The following RSPH6A variants were observed in gnomAD, a reference collection of about 807,000 sequenced individuals.
The protein encoded by RSPH6A is radial spoke head protein 6 homolog A.
Under a neutral mutation model 66.1 loss-of-function variants are expected in RSPH6A, and 49 were observed. The ratio of observed to expected loss-of-function variants is 0.74; its 90% CI spans 0.59 to 0.94. The LOEUF (loss-of-function observed/expected upper bound fraction) is 0.94. RSPH6A is among the 40% of genes least tolerant of loss of function. The pLI, the probability that RSPH6A is intolerant of heterozygous loss-of-function variation, is 0.00. For synonymous variants in RSPH6A, 419 were observed against 402.4 expected (o/e 1.04, Z -0.49); for missense variants, 977 against 948.3 (o/e 1.03, Z -0.40).
At chr19:45,803,328 T>A (rs1160345486) in intron 3 of RSPH6A, among the ~76,000 whole-genome samples, 1 of 151,260 alleles carries the variant, frequency 6.6e-6, no homozygotes, top group Non-Finnish European at 1.5e-5. Context: ...AGCAGTGAGT[T>A]ATGATCTCAT....
At chr19:45,802,949 C>T (rs140777001) in intron 3 of RSPH6A, among the ~76,000 whole-genome samples, 6,227 of 151,336 alleles carry the variant, frequency 0.041, 449 homozygotes, top group African/African-American at 0.14. Context: ...TGGCTTACGC[C>T]TGTAATCCCA....
At chr19:45,801,975 G>C in intron 4 of RSPH6A, 145 bp downstream of exon 4, 1 of 744,548 alleles carries the variant, frequency 1.3e-6, no homozygotes, top group Non-Finnish European at 1.9e-6. Flanking sequence ...TGGGGCCACT[G>C]TGATTACACC....
intron 2 of RSPH6A, 55 bp from the exon 3 acceptor site, chr19:45,805,071 G>C: frequency 6.9e-7 from 1 of 1,452,218 alleles, no homozygotes; most frequent in Non-Finnish European, 9.4e-7. Context: ...CTGCTCCCTA[G>C]CCTACCTCTT....
rs557898079 is a variant in RSPH6A at position 45,815,308 on chromosome 19, C to T, written c.-132G>A. 14 of 1,157,000 alleles carry T rather than the reference C, an allele frequency of 1.2e-5. No homozygotes were observed. The highest frequency in any genetic ancestry group is 3.2e-5 in the South Asian group (2 of 61,856). The allele number at this position is 1,157,000 out of a possible 1,614,324, so 71.7% of individuals were successfully genotyped here. On this transcript the variant is annotated 5_prime_UTR_variant, in exon 1 of 6. Coordinates refer to ENST00000221538, the MANE Select transcript of RSPH6A (RefSeq NM_030785.4). The stretch of plus-strand genomic sequence containing the variant: ...CGTTACCCGTGGAGGGCGCGGGGAG[C>T]GGGCCAGGGTGGGTTCCGCGCAGGC...
chr19:45,807,497 G>A (rs1348503872), intron 2 of RSPH6A, among the ~76,000 whole-genome samples: 1 of 149,496 alleles, frequency 6.7e-6, no homozygotes, highest in Non-Finnish European at 1.5e-5. Context: ...TTACAAGCGT[G>A]AGCCACTGCG....
intron 2 of RSPH6A, among the ~76,000 whole-genome samples, chr19:45,806,670 C>CAAAAAAA (rs71175223): frequency 3.4e-5 from 1 of 29,128 alleles, no homozygotes; most frequent in Non-Finnish European, 5.4e-5. Flanking sequence ...GACTCTGTCT[C>CAAAAAAA]AAAAAAAAAA....
At position 45,814,964 on chromosome 19, in the gene RSPH6A, C is replaced by T. The variant is rs1468682224; in HGVS notation, c.213G>A (p.Met71Ile). 2 of 1,614,044 alleles carry T rather than the reference C, an allele frequency of 1.2e-6. No individual in the cohort carries two copies. Among genetic ancestry groups the T allele is most frequent in the Admixed American group, 1.7e-5 (1 of 60,024 alleles). ...CTTCCTCAGCCTGGAAGACCTGGGG[C>T]ATCAGCAAGTTCTCCTGTTGGGACA... Reference protein sequence around the residue: ...GSLSQQENLLMPQVFQAEEAR... With the variant: ...GSLSQQENLLIPQVFQAEEAR... Residue 71 changes from methionine (M) to isoleucine (I), a missense_variant, in exon 1 of 6, where the codon ATG (methionine) becomes ATA (isoleucine). Met to Ile is a conservative substitution (Grantham distance 10, BLOSUM62 1). Transcript: ENST00000221538.
At chr19:45,798,540 A>G (rs1382020095) in intron 5 of RSPH6A, among the ~76,000 whole-genome samples, 1 of 9,716 alleles carries the variant, frequency 1.0e-4, no homozygotes, top group South Asian at 2.3e-3. Context: ...ACCCTATCTC[A>G]AAAAAAAAAA....
chr19:45,808,224 C>T (rs533164709), intron 2 of RSPH6A, among the ~76,000 whole-genome samples: 1 of 152,270 alleles, frequency 6.6e-6, no homozygotes, highest in African/African-American at 2.4e-5. Context: ...GTCAAGTGTT[C>T]GAGACTAGCC....
At chr19:45,812,897 T>C (rs1970647961) in intron 1 of RSPH6A, among the ~76,000 whole-genome samples, 1 of 152,034 alleles carries the variant, frequency 6.6e-6, no homozygotes, top group African/African-American at 2.4e-5. Flanking sequence ...GGTTTTGCCA[T>C]GTTGGCCAGG....
Position 45,815,058 on chromosome 19 carries a change from G to A in RSPH6A, c.119C>T (p.Pro40Leu). 3 of 1,613,598 alleles carry A rather than the reference G, an allele frequency of 1.9e-6. No individual in the cohort carries two copies. Among genetic ancestry groups the A allele is most frequent in the South Asian group, 1.1e-5 (1 of 91,078 alleles). Residue 40 changes from proline to leucine, a missense_variant, in exon 1 of 6, where the codon CCC (proline) becomes CTC (leucine). By Grantham distance (98) the Pro-to-Leu change is moderately conservative (BLOSUM62 -3). Transcript: ENST00000221538. The stretch of plus-strand genomic sequence containing the variant: ...TGGAGGTATCTGCTGCCTCTCCTCG[G>A]GGTCCGCTGCCAGGGCCTGAGCTTG... ...RDQAQALAAD[P>L]EERQQIPPDA...
Position 45,804,622 on chromosome 19 carries a change from T to C in RSPH6A, c.1283A>G (p.Tyr428Cys), listed in dbSNP as rs777922860. ...ESRSGANKYL[Y>C]FVCNEPGLPW... Reference sequence around the variant, plus strand: ...CAGGCCCGGCTCGTTGCACACAAAGTACAGGTACTTGTTGGCGCCTGAGCG... The same window carrying C: ...CAGGCCCGGCTCGTTGCACACAAAGCACAGGTACTTGTTGGCGCCTGAGCG... The change falls in exon 3 of 6, where the codon TAC (tyrosine) becomes TGC (cysteine). Residue 428 changes from tyrosine (Y) to cysteine (C), a missense_variant. Physicochemically the swap from Tyr to Cys is radical, Grantham distance 194. Coordinates refer to ENST00000221538, the MANE Select transcript of RSPH6A (RefSeq NM_030785.4). This position sits in a 1 kb window ranked among gnomAD's most constrained non-coding sequence, Gnocchi z 5.8. 1.9e-6 allele frequency: 3 copies of C among 1,614,104 alleles called. No homozygotes were observed. The highest frequency in any genetic ancestry group is 1.7e-6 in the Non-Finnish European group (2 of 1,180,024).
At chr19:45,796,791 G>T (rs1053617780) in intron 5 of RSPH6A, among the ~76,000 whole-genome samples, 1 of 152,092 alleles carries the variant, frequency 6.6e-6, no homozygotes, top group Non-Finnish European at 1.5e-5. Flanking sequence ...GGGATCACAG[G>T]CATGAGCCAC....
At position 45,802,139 on chromosome 19, in the gene RSPH6A, C is replaced by A; in HGVS notation, c.1779G>T (p.Thr593=). 6.5e-7 allele frequency: 1 copy of A among 1,544,146 alleles called. No homozygotes were observed. Among genetic ancestry groups the A allele is most frequent in the Non-Finnish European group, 8.8e-7 (1 of 1,138,890 alleles). ...VEQEVGPPLL[T]PLSEDAEIMH... ...CCTTACCTGCATCTTCTGAAAGTGG[C>A]GTTAGCAGTGGGGGGCCAACCTCCT... Residue 593 remains threonine (T), a synonymous_variant, in exon 4 of 6, where the codon ACG becomes ACT. Coordinates refer to ENST00000221538, the MANE Select transcript of RSPH6A (RefSeq NM_030785.4).
At chr19:45,808,659 T>A (rs1970578932) in intron 2 of RSPH6A, among the ~76,000 whole-genome samples, 2 of 2,948 alleles carry the variant, frequency 6.8e-4, no homozygotes, top group African/African-American at 0.014. Context: ...AAACTTATCT[T>A]TTTTTTTTTT....
Position 45,804,702 on chromosome 19 carries a change from G to A in RSPH6A, c.1203C>T (p.Asp401=), listed in dbSNP as rs769483022. The change falls in exon 3 of 6, where the codon GAC becomes GAT. Residue 401 remains aspartate, a synonymous_variant. Coordinates refer to ENST00000221538, the MANE Select transcript of RSPH6A (RefSeq NM_030785.4). This position sits in a 1 kb window ranked among gnomAD's most constrained non-coding sequence, Gnocchi z 5.8. The part of the protein sequence containing the change: ...EGEEDEEKAV[D]IVPKSVWKPP... The stretch of plus-strand genomic sequence containing the variant: ...GCTTCCATACGGACTTAGGGACGAT[G>A]TCCACGGCCTTCTCCTCGTCCTCCT... 1 of 1,613,268 alleles carries A rather than the reference G, an allele frequency of 6.2e-7. No individual in the cohort carries two copies. Among genetic ancestry groups the A allele is most frequent in the Non-Finnish European group, 8.5e-7 (1 of 1,179,930 alleles).
Position 45,804,540 on chromosome 19 carries a change from G to T in RSPH6A, c.1365C>A (p.Ile455=). The change falls in exon 3 of 6, where the codon ATC becomes ATA. Residue 455 remains isoleucine, a synonymous_variant. Coordinates refer to ENST00000221538, the MANE Select transcript of RSPH6A (RefSeq NM_030785.4). The surrounding 1 kb of genome is among the most constrained non-coding windows in gnomAD (Gnocchi z 5.8). ...CCAGGTAGCCTGTGAAGAACTTCTT[G>T]ATCTTTCGGGCGTTCACGATCTGGG... ...TPAQIVNARK[I]KKFFTGYLDT... 1.9e-6 allele frequency: 3 copies of T among 1,614,172 alleles called. No homozygotes were observed. Among genetic ancestry groups the T allele is most frequent in the South Asian group, 1.1e-5 (1 of 91,086 alleles).
At chr19:45,796,160 C>CTTTTTT in intron 5 of RSPH6A, 54 bp from the exon 6 acceptor site, 4 of 920,094 alleles carry the variant, frequency 4.3e-6, no homozygotes, top group South Asian at 4.6e-5. Context: ...CCAGACTTGA[C>CTTTTTT]TTTTTTTTTT....
Position 45,795,787 on chromosome 19 carries a change from G to C in RSPH6A, c.*82C>G. 7.9e-7 allele frequency: 1 copy of C among 1,267,282 alleles called. No homozygotes were observed. Among genetic ancestry groups the C allele is most frequent in the South Asian group, 1.4e-5 (1 of 71,688 alleles). The allele number at this position is 1,267,282 out of a possible 1,614,324, so 78.5% of individuals were successfully genotyped here. ...GCCCTCTGGGGACAGGAAGCACATAGTGAAAATATAATCCATGCTAACTAC... is the reference window on the plus strand; with the variant it reads ...GCCCTCTGGGGACAGGAAGCACATACTGAAAATATAATCCATGCTAACTAC... On this transcript the variant is annotated 3_prime_UTR_variant, in exon 6 of 6. Transcript: ENST00000221538.
Sources: gnomAD v4.1 joint callset for allele counts (sites outside exome capture counted in the v4.1 genomes callset) on GRCh38, gnomAD v4.1.1 for gene constraint, Gnocchi (gnomAD v3.1) non-coding constraint, MANE v1.5 for transcripts, NCBI Gene and HGNC (gene_info 2026-07-23, HGNC 2026-07-21) for gene names.